Variants in ADAMTS3 observed in about 807,000 individuals in gnomAD.
ADAMTS3 encodes ADAM metallopeptidase with thrombospondin type 1 motif 3.
In ADAMTS3, 73 loss-of-function variants were observed where a neutral mutation model predicts 129.0. The observed-to-expected ratio is 0.57, with a 90% CI of 0.47 to 0.69. ADAMTS3 has a LOEUF of 0.69. ADAMTS3 is among the 30% of genes least tolerant of loss of function. The pLI, the probability that ADAMTS3 is intolerant of heterozygous loss-of-function variation, is 0.00. For missense variants in ADAMTS3, 1,457 were observed against 1,514.5 expected (o/e 0.96, Z 0.63); for synonymous variants, 477 against 510.8 (o/e 0.93, Z 0.89).
Position 72,283,200 on chromosome 4 carries a change from G to A in ADAMTS3, c.3554C>T (p.Ser1185Leu), listed in dbSNP as rs368488343. 23 of 1,613,600 alleles carry A rather than the reference G, an allele frequency of 1.4e-5. No homozygotes were observed. Among genetic ancestry groups the A allele is most frequent in the Non-Finnish European group, 1.7e-5 (20 of 1,179,858 alleles). ...SIGASSQART[S>L]KKDGKIIDNR... ...GTCAATGATCTTTCCATCTTTCTTT[G>A]AGGTTCTTGCCTGAGAAGAAGCACC... The change falls in exon 22 of 22, where the codon TCA (serine) becomes TTA (leucine). Residue 1185 changes from serine to leucine, a missense_variant. Physicochemically the swap from Ser to Leu is moderately radical, Grantham distance 145 (BLOSUM62 -2). Transcript: ENST00000286657.
chr4:72,411,597 C>G (rs1234581299), intron 4 of ADAMTS3, among the ~76,000 whole-genome samples: 1 of 151,978 alleles, frequency 6.6e-6, no homozygotes, highest in Non-Finnish European at 1.5e-5. Flanking sequence ...ATCCCTACCA[C>G]AAGAAATGTT....
At chr4:72,505,585 A>T (rs1345156311) in intron 3 of ADAMTS3, among the ~76,000 whole-genome samples, 3 of 152,228 alleles carry the variant, frequency 2.0e-5, no homozygotes, top group Non-Finnish European at 4.4e-5. Context: ...GAAGGGCAAG[A>T]TGGACAAATA....
chr4:72,323,208 A>T, intron 5 of ADAMTS3, 111 bp from the exon 6 acceptor site: 1 of 797,524 alleles, frequency 1.3e-6, no homozygotes, highest in Non-Finnish European at 2.1e-6. Context: ...TGCTGTTTTT[A>T]AATTGAGTTT....
At chr4:72,329,600 G>C (rs1719791544) in intron 5 of ADAMTS3, among the ~76,000 whole-genome samples, 1 of 152,072 alleles carries the variant, frequency 6.6e-6, no homozygotes, top group Non-Finnish European at 1.5e-5. Context: ...GTTGTGTTTT[G>C]TTGTTGTTGC....
chr4:72,501,349 C>T (rs1720016790), intron 3 of ADAMTS3, among the ~76,000 whole-genome samples: 1 of 151,872 alleles, frequency 6.6e-6, no homozygotes, highest in Non-Finnish European at 1.5e-5. Context: ...ACATGTATTC[C>T]TAGGTATTTT....
At chr4:72,399,831 G>GTA (rs745677175) in intron 4 of ADAMTS3, among the ~76,000 whole-genome samples, 1 of 124,220 alleles carries the variant, frequency 8.1e-6, no homozygotes, top group African/African-American at 3.2e-5. Context: ...ATATACGTGT[G>GTA]TATATATATA....
chr4:72,322,766 T>C (rs189614073), intron 6 of ADAMTS3, among the ~76,000 whole-genome samples: 1 of 152,254 alleles, frequency 6.6e-6, no homozygotes, highest in Admixed American at 6.5e-5. Flanking sequence ...ACACCTAAAG[T>C]CAGGGTAATT....
chr4:72,339,774 T>C, intron 4 of ADAMTS3, 81 bp from the exon 5 acceptor site: 3 of 1,126,516 alleles, frequency 2.7e-6, no homozygotes, highest in South Asian at 1.3e-5. Context: ...AAGAATCTTC[T>C]CAGGGGCCTA....
chr4:72,441,204 G>A (rs1718106697), intron 3 of ADAMTS3, among the ~76,000 whole-genome samples: 1 of 151,674 alleles, frequency 6.6e-6, no homozygotes, highest in African/African-American at 2.4e-5. Flanking sequence ...TCAGCATAAT[G>A]CTTTTGAGAT....
chr4:72,468,135 A>G (rs530731591), intron 3 of ADAMTS3, among the ~76,000 whole-genome samples: 2 of 152,238 alleles, frequency 1.3e-5, no homozygotes, highest in South Asian at 4.1e-4. Context: ...AACATTCTTC[A>G]TTGTATATCT....
At chr4:72,301,478 T>C (rs927376517) in intron 17 of ADAMTS3, among the ~76,000 whole-genome samples, 1 of 152,140 alleles carries the variant, frequency 6.6e-6, no homozygotes, top group African/African-American at 2.4e-5. Context: ...TGAACAGATA[T>C]TTCAAAATGG....
intron 4 of ADAMTS3, among the ~76,000 whole-genome samples, chr4:72,381,380 G>A (rs1238550130): frequency 6.6e-6 from 1 of 151,904 alleles, no homozygotes. Flanking sequence ...TTCTTACATC[G>A]AGTGCTATTG....
chr4:72,352,966 A>G lies in ADAMTS3; in HGVS notation c.662-13273T>C, dbSNP rs775977394. Among the ~76,000 whole-genome samples the G allele has an allele frequency of 2.0e-4, 30 of 151,964 alleles. 1 individual carries two copies. Among genetic ancestry groups the G allele is most frequent in the Non-Finnish European group, 3.8e-4 (26 of 67,930 alleles). Reference sequence around the variant, plus strand: ...ATTTTGTAAACAGGCTTCAGGCCAGATTTCCTGGGGCAATTCTGTACCATG... The same window carrying G: ...ATTTTGTAAACAGGCTTCAGGCCAGGTTTCCTGGGGCAATTCTGTACCATG... On this transcript the variant is annotated intron_variant, in intron 4 of 21. Coordinates refer to ENST00000286657, the MANE Select transcript of ADAMTS3 (RefSeq NM_014243.3).
chr4:72,505,271 C>T (rs1720129383), intron 3 of ADAMTS3, among the ~76,000 whole-genome samples: 1 of 152,050 alleles, frequency 6.6e-6, no homozygotes, highest in Admixed American at 6.6e-5. Context: ...TCTTCTTTCC[C>T]TGTCTCTTTA....
intron 3 of ADAMTS3, among the ~76,000 whole-genome samples, chr4:72,421,240 C>T (rs1355583816): frequency 6.6e-6 from 1 of 152,196 alleles, no homozygotes. Flanking sequence ...CTGGTACTAC[C>T]CCACTTATAT....
At chr4:72,450,972 AAGAGAAGAGAAGAGAAG>A (rs1718386398) in intron 3 of ADAMTS3, among the ~76,000 whole-genome samples, 1 of 57,380 alleles carries the variant, frequency 1.7e-5, no homozygotes, top group Non-Finnish European at 3.7e-5. Flanking sequence ...AGGCAAAAAG[AAGAGAAGAGAAGAGAAG>A]AGAAGAGAAG....
At chr4:72,340,337 GTA>G (rs1491152623) in intron 4 of ADAMTS3, among the ~76,000 whole-genome samples, 10 of 140,906 alleles carry the variant, frequency 7.1e-5, no homozygotes, top group Non-Finnish European at 1.1e-4. Flanking sequence ...GTGTGTGTGT[GTA>G]TGTGTATGTG....
intron 2 of ADAMTS3, among the ~76,000 whole-genome samples, chr4:72,557,739 T>C (rs1721804729): frequency 6.6e-6 from 1 of 151,692 alleles, no homozygotes; most frequent in African/African-American, 2.4e-5. Flanking sequence ...GAACATGAAA[T>C]CAGGTAAGAG....
intron 3 of ADAMTS3, among the ~76,000 whole-genome samples, chr4:72,534,105 A>G (rs891085589): frequency 1.3e-5 from 2 of 152,158 alleles, no homozygotes; most frequent in African/African-American, 4.8e-5. Context: ...AGGTGGGTGG[A>G]TCGCGAGGTC....
Sources: allele counts gnomAD v4.1 joint callset (sites outside exome capture counted in the v4.1 genomes callset), GRCh38; gene constraint gnomAD v4.1.1; transcripts MANE v1.5; gene names NCBI Gene and HGNC (gene_info 2026-07-23, HGNC 2026-07-21).